SLC25A21: variants seen among roughly 807,000 people sequenced by gnomAD.
The protein encoded by SLC25A21 is mitochondrial 2-oxodicarboxylate carrier.
Under a neutral mutation model 43.8 loss-of-function variants are expected in SLC25A21, and 47 were observed. That is an observed-to-expected ratio of 1.07 (90% CI 0.85 to 1.37). The LOEUF is 1.37. SLC25A21 is among the 40% of genes most tolerant of loss of function. The pLI, the probability that SLC25A21 is intolerant of heterozygous loss-of-function variation, is 0.00. For synonymous variants in SLC25A21, 131 were observed against 121.3 expected (o/e 1.08, Z -0.52); for missense variants, 352 against 350.2 (o/e 1.00, Z -0.04).
At chr14:37,119,482 G>A (rs565261823) in intron 1 of SLC25A21, among the ~76,000 whole-genome samples, 1 of 152,156 alleles carries the variant, frequency 6.6e-6, no homozygotes, top group Admixed American at 6.5e-5. Context: ...GCTTGAACCT[G>A]GGAGATGGAG....
At chr14:36,909,073 G>A (rs1891612105) in intron 1 of SLC25A21, among the ~76,000 whole-genome samples, 1 of 152,070 alleles carries the variant, frequency 6.6e-6, no homozygotes, top group Admixed American at 6.6e-5. Flanking sequence ...ACATTTTAGA[G>A]ATAAAGAGAA....
At chr14:36,840,209 G>GTT (rs112116046) in intron 2 of SLC25A21, among the ~76,000 whole-genome samples, 3 of 147,420 alleles carry the variant, frequency 2.0e-5, no homozygotes, top group African/African-American at 7.4e-5. Flanking sequence ...TAAAAGCGAG[G>GTT]TTTTTTTTTT....
chr14:37,110,691 A>G (rs141469066), intron 1 of SLC25A21, among the ~76,000 whole-genome samples: 81 of 152,276 alleles, frequency 5.3e-4, no homozygotes, highest in African/African-American at 1.9e-3. Flanking sequence ...ATAAGGGACC[A>G]CCATATTGCG....
At chr14:37,088,959 T>G (rs1258863450) in intron 1 of SLC25A21, among the ~76,000 whole-genome samples, 2 of 152,244 alleles carry the variant, frequency 1.3e-5, no homozygotes, top group Admixed American at 1.3e-4. Context: ...ACAATTTGTA[T>G]AGAAGTCTAA....
intron 1 of SLC25A21, among the ~76,000 whole-genome samples, chr14:37,013,670 A>AC (rs1170249568): frequency 2.0e-5 from 3 of 151,578 alleles, no homozygotes; most frequent in Admixed American, 6.6e-5. Flanking sequence ...TTTACCCCTC[A>AC]CCCCCCTCAC....
intron 1 of SLC25A21, among the ~76,000 whole-genome samples, chr14:37,100,433 T>C (rs942352994): frequency 6.6e-6 from 1 of 152,176 alleles, no homozygotes; most frequent in Non-Finnish European, 1.5e-5. Context: ...CACTTCAATA[T>C]AATCATGTGT....
At chr14:36,880,946 C>T (rs1295796532) in intron 1 of SLC25A21, among the ~76,000 whole-genome samples, 4 of 152,166 alleles carry the variant, frequency 2.6e-5, no homozygotes, top group African/African-American at 9.7e-5. Flanking sequence ...AACAAGGATG[C>T]TTGAAAGCCT....
At chr14:37,100,340 G>A (rs1238736053) in intron 1 of SLC25A21, among the ~76,000 whole-genome samples, 1 of 151,876 alleles carries the variant, frequency 6.6e-6, no homozygotes, top group African/African-American at 2.4e-5. Flanking sequence ...TTACAGGTGT[G>A]AGCCACCATG....
intron 3 of SLC25A21, among the ~76,000 whole-genome samples, chr14:36,760,724 C>T (rs1464309974): frequency 6.6e-6 from 1 of 152,150 alleles, no homozygotes; most frequent in African/African-American, 2.4e-5. Flanking sequence ...AACTCCGTCA[C>T]TCATGTCTGT....
chr14:37,083,120 G>C (rs979669021), intron 1 of SLC25A21, among the ~76,000 whole-genome samples: 2 of 152,114 alleles, frequency 1.3e-5, no homozygotes, highest in African/African-American at 4.8e-5. Context: ...TGTGTGCTCT[G>C]GTTTATGCTG....
intron 3 of SLC25A21, among the ~76,000 whole-genome samples, chr14:36,805,218 C>G (rs898277331): frequency 6.6e-6 from 1 of 152,158 alleles, no homozygotes; most frequent in Non-Finnish European, 1.5e-5. Context: ...TCACTGCAAA[C>G]GTTTTCACTT....
intron 2 of SLC25A21, among the ~76,000 whole-genome samples, chr14:36,820,520 A>C (rs1040791708): frequency 6.6e-6 from 1 of 152,178 alleles, no homozygotes; most frequent in African/African-American, 2.4e-5. Flanking sequence ...ACTGAGACAC[A>C]GACTGGGAGC....
chr14:36,909,069 T>C (rs1282029693), intron 1 of SLC25A21, among the ~76,000 whole-genome samples: 1 of 151,976 alleles, frequency 6.6e-6, no homozygotes, highest in African/African-American at 2.4e-5. Context: ...AGGGACATTT[T>C]AGAGATAAAG....
chr14:36,981,378 C>T (rs1013814449), intron 1 of SLC25A21, among the ~76,000 whole-genome samples: 1 of 152,198 alleles, frequency 6.6e-6, no homozygotes, highest in African/African-American at 2.4e-5. Flanking sequence ...ACTATAAAGA[C>T]ACATGCACAC....
chr14:37,154,062 G>T (rs980249105), intron 1 of SLC25A21, among the ~76,000 whole-genome samples: 1 of 152,066 alleles, frequency 6.6e-6, no homozygotes, highest in African/African-American at 2.4e-5. Flanking sequence ...CCACCTAGAG[G>T]CCCAAAAATC....
chr14:37,081,264 G>C (rs1342496819), intron 1 of SLC25A21, among the ~76,000 whole-genome samples: 2 of 152,158 alleles, frequency 1.3e-5, no homozygotes, highest in South Asian at 2.1e-4. Flanking sequence ...TAACACTTGG[G>C]TACATCTCCC....
intron 1 of SLC25A21, among the ~76,000 whole-genome samples, chr14:37,117,860 T>G (rs371429829): frequency 9.7e-3 from 167 of 17,244 alleles, no homozygotes; most frequent in East Asian, 0.11. Flanking sequence ...CATAGTTTTT[T>G]TTTGTTTGTT....
At chr14:37,165,790 A>G (rs1319619479) in intron 1 of SLC25A21, among the ~76,000 whole-genome samples, 1 of 152,156 alleles carries the variant, frequency 6.6e-6, no homozygotes, top group Non-Finnish European at 1.5e-5. Context: ...CTGATCTTAT[A>G]TGACATGGGA....
At chr14:36,936,794 T>C (rs1246736359) in intron 1 of SLC25A21, among the ~76,000 whole-genome samples, 1 of 152,162 alleles carries the variant, frequency 6.6e-6, no homozygotes, top group Non-Finnish European at 1.5e-5. Context: ...AATCATGCAG[T>C]CTCTAAATCT....
Sources: gnomAD v4.1 joint callset for allele counts (sites outside exome capture counted in the v4.1 genomes callset) on GRCh38, gnomAD v4.1.1 for gene constraint, MANE v1.5 for transcripts, NCBI Gene and HGNC (gene_info 2026-07-23, HGNC 2026-07-21) for gene names.